GNL3L: variants seen among roughly 807,000 people sequenced by gnomAD.
GNL3L encodes G protein nucleolar 3 like.
In GNL3L, 4 loss-of-function variants were observed where a neutral mutation model predicts 42.9. The observed-to-expected ratio is 0.09, with a 90% CI of 0.05 to 0.21. The LOEUF is 0.21. GNL3L is among the 10% of genes least tolerant of loss of function. The pLI, the probability that GNL3L is intolerant of heterozygous loss-of-function variation, is 1.00. For missense variants in GNL3L, 412 were observed against 481.7 expected (o/e 0.86, Z 1.36); for synonymous variants, 159 against 176.3 (o/e 0.90, Z 0.78).
At chrX:54,619,627 A>G (rs188306902) in intron 16 of GNL3L, among the ~76,000 whole-genome samples, 86 of 110,652 alleles carry the variant, frequency 7.8e-4, no homozygotes, top group Non-Finnish European at 1.2e-3. Context: ...AAATGCTGGG[A>G]TTACGGATGT....
intron 12 of GNL3L, 128 bp from the exon 13 acceptor site, chrX:54,552,164 T>C: frequency 1.2e-6 from 1 of 820,333 alleles, no homozygotes; most frequent in Non-Finnish European, 1.8e-6. Context: ...AACTCCTTCT[T>C]GTTCAGAAGC....
At chrX:54,620,872 CT>C (rs1446510672) in exon 17 of GNL3L, among the ~76,000 whole-genome samples, 1 of 112,279 alleles carries the variant, frequency 8.9e-6, no homozygotes, top group Non-Finnish European at 1.9e-5. Flanking sequence ...TTCACAATGG[CT>C]GTCACAGCTC....
At position 54,564,696 on chromosome X, in the gene GNL3L, G is replaced by GCGCCTGGCCTTTTTCTT. The variant is rs1314177367; in HGVS notation, c.*4095_*4111dup. Reference sequence around the variant, plus strand: ...GCTGGGATTACAAGAGTGAGCCACTGCGCCTGGCCTTTTTCTTTGTTCTTA... The same window carrying GCGCCTGGCCTTTTTCTT: ...GCTGGGATTACAAGAGTGAGCCACTGCGCCTGGCCTTTTTCTTCGCCTGGCCTTTTTCTTTGTTCTTA... On this transcript the variant is annotated 3_prime_UTR_variant, in exon 16 of 16. Coordinates refer to ENST00000360845, the MANE Select transcript of GNL3L (RefSeq NM_001184819.2). Among the ~76,000 whole-genome samples the GCGCCTGGCCTTTTTCTT allele has an allele frequency of 9.6e-6, 1 of 104,117 alleles. No individual in the cohort carries two copies. Among genetic ancestry groups the GCGCCTGGCCTTTTTCTT allele is most frequent in the African/African-American group, 3.5e-5 (1 of 28,364 alleles). The allele number at this position is 104,117 out of a possible 115,157, so 90.4% of individuals were successfully genotyped here.
chrX:54,557,420 G>A (rs1034492885), intron 14 of GNL3L, among the ~76,000 whole-genome samples: 6 of 107,761 alleles, frequency 5.6e-5, no homozygotes, highest in African/African-American at 2.0e-4. Context: ...AAGCCACCAT[G>A]CGCAGCTAAT....
chrX:54,630,517 A>G, the GNL3L span, among the ~76,000 whole-genome samples: 1 of 110,546 alleles, frequency 9.0e-6, no homozygotes, highest in Non-Finnish European at 1.9e-5. Context: ...TGACTCAAAG[A>G]TCATTTAGGA....
chrX:54,566,864 C>A lies in GNL3L; in HGVS notation c.*6262C>A, dbSNP rs1925443173. Among the ~76,000 whole-genome samples the A allele has an allele frequency of 8.9e-6, 1 of 111,775 alleles. No homozygotes were observed. The highest frequency in any genetic ancestry group is 9.5e-5 in the Admixed American group (1 of 10,488). ...TCATAGGTCACTGTAGCTTCGACCT[C>A]CTGGGCTCAAGCGAACCTCCCACCT... On this transcript the variant is annotated 3_prime_UTR_variant, in exon 16 of 16. Transcript: ENST00000360845.
intron 16 of GNL3L, among the ~76,000 whole-genome samples, chrX:54,576,208 A>G (rs1364600668): frequency 8.9e-6 from 1 of 111,900 alleles, no homozygotes; most frequent in Non-Finnish European, 1.9e-5. Context: ...AATCTGTTAG[A>G]TGGGTTTACA....
chrX:54,543,098 C>CT, intron 6 of GNL3L, 60 bp downstream of exon 6: 1 of 1,091,347 alleles, frequency 9.2e-7, no homozygotes, highest in African/African-American at 1.8e-5. Context: ...CCCTTTTCCT[C>CT]TCCATTTCTG....
chrX:54,606,586 C>T (rs1051070974), intron 16 of GNL3L, among the ~76,000 whole-genome samples: 14 of 110,205 alleles, frequency 1.3e-4, no homozygotes, highest in Non-Finnish European at 2.5e-4. Flanking sequence ...AACAACCCTC[C>T]CACCTTAGCC....
Position 54,532,608 on chromosome X carries a change from C to T in GNL3L, c.19+23C>T, listed in dbSNP as rs576356033. ...ACAGTGAGTTTCCTTTACCACCCCT[C>T]CCAATCCTGTGCTTTTAATGAATAT... On this transcript the variant is annotated intron_variant, in intron 2 of 15. Coordinates refer to ENST00000360845, the MANE Select transcript of GNL3L (RefSeq NM_001184819.2). The T allele has an allele frequency of 3.0e-5, 34 of 1,130,073 alleles. No individual in the cohort carries two copies. In the South Asian group the frequency reaches 4.7e-4, roughly 16 times the overall value. The allele number at this position is 1,130,073 out of a possible 1,213,427, so 93.1% of individuals were successfully genotyped here.
At chrX:54,580,013 T>TTTTTTTTTTA (rs1925689516) in intron 16 of GNL3L, among the ~76,000 whole-genome samples, 1 of 99,794 alleles carries the variant, frequency 1.0e-5, no homozygotes, top group African/African-American at 3.7e-5. Context: ...TTTTTTTTTT[T>TTTTTTTTTTA]ATACTTTAAG....
At chrX:54,611,849 C>A (rs1024437735) in intron 16 of GNL3L, among the ~76,000 whole-genome samples, 4 of 111,971 alleles carry the variant, frequency 3.6e-5, no homozygotes, top group African/African-American at 1.3e-4. Context: ...ATCGTATGGT[C>A]TACCTTGGAG....
chrX:54,620,827 T>C (rs1354393114), intron 16 of GNL3L, among the ~76,000 whole-genome samples: 1 of 112,321 alleles, frequency 8.9e-6, no homozygotes, highest in African/African-American at 3.2e-5. Flanking sequence ...GTTAAAAGCC[T>C]GTCTGCCTTT....
At position 54,562,274 on chromosome X, in the gene GNL3L, G is replaced by A. The variant is rs1451874625; in HGVS notation, c.*1672G>A. On this transcript the variant is annotated 3_prime_UTR_variant, in exon 16 of 16. Coordinates refer to ENST00000360845, the MANE Select transcript of GNL3L (RefSeq NM_001184819.2). ...TTGACCAGGCTGGTCTCGAACTCTT[G>A]ACCTCAAGTGATCCACTCGCTTCGG... 8.9e-6 allele frequency among the ~76,000 whole-genome samples: 1 copy of A among 112,144 alleles called. No individual in the cohort carries two copies. Among genetic ancestry groups the A allele is most frequent in the Non-Finnish European group, 1.9e-5 (1 of 53,195 alleles).
At chrX:54,643,635 A>G in the GNL3L span, among the ~76,000 whole-genome samples, 1 of 110,443 alleles carries the variant, frequency 9.1e-6, no homozygotes, top group East Asian at 2.8e-4. Flanking sequence ...TTCCAAATCT[A>G]CTCTTTTAGT....
At chrX:54,592,749 AG>A (rs1925885429) in intron 16 of GNL3L, among the ~76,000 whole-genome samples, 1 of 108,966 alleles carries the variant, frequency 9.2e-6, no homozygotes, top group Admixed American at 9.9e-5. Flanking sequence ...CAGGAGGTTG[AG>A]GCTGTGATGA....
At chrX:54,575,697 G>A (rs1319803514) in intron 16 of GNL3L, among the ~76,000 whole-genome samples, 1 of 111,143 alleles carries the variant, frequency 9.0e-6, no homozygotes, top group East Asian at 2.8e-4. Flanking sequence ...TCTCGCCACT[G>A]CACTCCAGCC....
downstream of GNL3L, among the ~76,000 whole-genome samples, chrX:54,622,529 C>T (rs1041873399): frequency 9.1e-6 from 1 of 109,485 alleles, no homozygotes; most frequent in Non-Finnish European, 1.9e-5. Context: ...AGGTGATCCG[C>T]CTGCCTCGGC....
chrX:54,571,991 ATTTTATTTTAT>A (rs1182903188), downstream of GNL3L, among the ~76,000 whole-genome samples: 1 of 102,799 alleles, frequency 9.7e-6, no homozygotes, highest in Non-Finnish European at 2.0e-5. Flanking sequence ...TTTCTATTTT[ATTTTATTTTAT>A]TTTTATTTAT....
Sources: gnomAD v4.1 joint callset for allele counts (sites outside exome capture counted in the v4.1 genomes callset) on GRCh38, gnomAD v4.1.1 for gene constraint, MANE v1.5 for transcripts, NCBI Gene and HGNC (gene_info 2026-07-23, HGNC 2026-07-21) for gene names.